The following NALF1 variants were observed in gnomAD, a reference collection of about 807,000 sequenced individuals.
NALF1 encodes NALCN channel auxiliary factor 1, also known as family with sequence similarity 155 member A.
NALF1 carries 3 observed loss-of-function variants against 48.4 expected under a neutral mutation model. That is an observed-to-expected ratio of 0.06 (90% confidence interval 0.03 to 0.16). The LOEUF is 0.16. Among genes scored for constraint, NALF1 ranks in the 10% least tolerant of loss-of-function variants. The pLI is 1.00. For synonymous variants in NALF1, 262 were observed against 245.7 expected (o/e 1.07, Z -0.62); for missense variants, 526 against 571.5 (o/e 0.92, Z 0.81).
intron 1 of NALF1, among the ~76,000 whole-genome samples, chr13:107,703,363 GTTTT>G (rs55884420): frequency 2.7e-5 from 3 of 112,038 alleles, no homozygotes; most frequent in African/African-American, 6.6e-5. Flanking sequence ...CATTTGCTTA[GTTTT>G]TTTTTTTTTT....
chr13:107,575,980 A>G (rs1249001818), intron 1 of NALF1, among the ~76,000 whole-genome samples: 3 of 116,270 alleles, frequency 2.6e-5, no homozygotes. Context: ...GTGTGTGCAT[A>G]TGTGTGTGTG....
intron 2 of NALF1, among the ~76,000 whole-genome samples, chr13:107,175,170 T>G (rs1253987215): frequency 6.6e-6 from 1 of 151,724 alleles, no homozygotes; most frequent in East Asian, 1.9e-4. Context: ...ATTACAGGCG[T>G]GAGCCATCGC....
rs148600812 is a variant in NALF1, at chr13:107,851,277, T to C, written c.915+14405A>G. On this transcript the variant is annotated intron_variant, in intron 1 of 2. Coordinates refer to ENST00000375915, the MANE Select transcript of NALF1 (RefSeq NM_001080396.3). ...AGTGACATATTTTGCTAACAGCTTCTAATTTGGAAAACAAGTGACATTAGC... is the reference window on the plus strand; with the variant it reads ...AGTGACATATTTTGCTAACAGCTTCCAATTTGGAAAACAAGTGACATTAGC... Among the ~76,000 whole-genome samples, 111 of 152,274 alleles carry C rather than the reference T, an allele frequency of 7.3e-4. 1 individual carries two copies. Among genetic ancestry groups the C allele is most frequent in the African/African-American group, 2.6e-3 (107 of 41,564 alleles).
At chr13:107,326,404 C>T (rs1341048595) in intron 1 of NALF1, among the ~76,000 whole-genome samples, 1 of 152,110 alleles carries the variant, frequency 6.6e-6, no homozygotes, top group African/African-American at 2.4e-5. Flanking sequence ...AAATTACCAA[C>T]TTTATTAACG....
At chr13:107,766,078 C>T (rs181619767) in intron 1 of NALF1, among the ~76,000 whole-genome samples, 1 of 152,306 alleles carries the variant, frequency 6.6e-6, no homozygotes, top group Admixed American at 6.5e-5. Context: ...AAGGCAACCA[C>T]TGTTTACATT....
intron 1 of NALF1, among the ~76,000 whole-genome samples, chr13:107,858,814 A>G (rs987802273): frequency 3.3e-5 from 5 of 152,224 alleles, no homozygotes; most frequent in African/African-American, 1.2e-4. Flanking sequence ...TGATTAAACA[A>G]ATTAGAATAG....
chr13:107,788,430 G>A (rs943736641), intron 1 of NALF1: 2 of 151,976 alleles, frequency 1.3e-5, no homozygotes, highest in Non-Finnish European at 2.9e-5. Context: ...GGATCTTGTT[G>A]AATAAATGCA....
At chr13:107,857,242 C>T (rs1880461546) in intron 1 of NALF1, among the ~76,000 whole-genome samples, 2 of 152,178 alleles carry the variant, frequency 1.3e-5, no homozygotes, top group African/African-American at 4.8e-5. Flanking sequence ...TCATCTCAGT[C>T]CTCAATCAAT....
intron 1 of NALF1, among the ~76,000 whole-genome samples, chr13:107,490,576 G>C (rs539921077): frequency 6.6e-6 from 1 of 152,266 alleles, no homozygotes; most frequent in African/African-American, 2.4e-5. Context: ...TGATGGGTGG[G>C]AAAAGGGAGA....
At chr13:107,590,904 C>T (rs1165084982) in intron 1 of NALF1, among the ~76,000 whole-genome samples, 1 of 151,898 alleles carries the variant, frequency 6.6e-6, no homozygotes, top group African/African-American at 2.4e-5. Context: ...CACCTGAAAT[C>T]CCCCTACATT....
intron 1 of NALF1, among the ~76,000 whole-genome samples, chr13:107,298,861 A>G (rs1032203788): frequency 2.0e-5 from 3 of 152,214 alleles, no homozygotes; most frequent in African/African-American, 7.2e-5. Context: ...TTACATAACT[A>G]CAATGCAATT....
At position 107,550,924 on chromosome 13, in the gene NALF1, G is replaced by A. The variant is rs151005828; in HGVS notation, c.915+314758C>T. ...CAGAAAAAAAAAAAACTTATTGTTT[G>A]TGCTGTTGTTTCCCCTTTAGTCTCT... On this transcript the variant is annotated intron_variant, in intron 1 of 2. Coordinates refer to ENST00000375915, the MANE Select transcript of NALF1 (RefSeq NM_001080396.3). Among the ~76,000 whole-genome samples, 5 of 150,916 alleles carry A rather than the reference G, an allele frequency of 3.3e-5. No individual in the cohort carries two copies. The East Asian group carries it at 9.7e-4, about 29-fold the overall frequency.
At chr13:107,806,805 A>T (rs559190829) in intron 1 of NALF1, among the ~76,000 whole-genome samples, 1 of 152,200 alleles carries the variant, frequency 6.6e-6, no homozygotes, top group Admixed American at 6.6e-5. Flanking sequence ...TTAAACCCCA[A>T]GAGTTTCAAT....
intron 1 of NALF1, among the ~76,000 whole-genome samples, chr13:107,650,705 CCT>C (rs1405166036): frequency 6.6e-6 from 1 of 151,964 alleles, no homozygotes; most frequent in Non-Finnish European, 1.5e-5. Flanking sequence ...CCAAATGCTA[CCT>C]GTACCCCAAT....
intron 1 of NALF1, among the ~76,000 whole-genome samples, chr13:107,364,521 GA>G (rs1883117857): frequency 1.3e-5 from 2 of 152,224 alleles, no homozygotes. Context: ...TCCAGACACG[GA>G]GGAGTGGGGT....
chr13:107,770,343 T>C (rs1371738133), intron 1 of NALF1, among the ~76,000 whole-genome samples: 2 of 152,236 alleles, frequency 1.3e-5, no homozygotes, highest in African/African-American at 2.4e-5. Context: ...CTTGAAAGTG[T>C]AGATGAGGGG....
At chr13:107,383,251 G>A (rs191283501) in intron 1 of NALF1, among the ~76,000 whole-genome samples, 119 of 152,170 alleles carry the variant, frequency 7.8e-4, no homozygotes, top group African/African-American at 2.8e-3. Flanking sequence ...ACAACTTTAG[G>A]AATAAAAAGA....
At chr13:107,506,904 G>C (rs892004719) in intron 1 of NALF1, among the ~76,000 whole-genome samples, 14 of 151,812 alleles carry the variant, frequency 9.2e-5, no homozygotes, top group African/African-American at 3.1e-4. Context: ...ATACATAGGA[G>C]TGGAATTGTT....
chr13:107,318,901 C>T (rs553241080), intron 1 of NALF1, among the ~76,000 whole-genome samples: 2 of 152,188 alleles, frequency 1.3e-5, no homozygotes, highest in East Asian at 3.9e-4. Flanking sequence ...ACAATGCATA[C>T]AGTATAATTG....
Sources: allele counts gnomAD v4.1 joint callset (sites outside exome capture counted in the v4.1 genomes callset), GRCh38; gene constraint gnomAD v4.1.1; transcripts MANE v1.5; gene names NCBI Gene and HGNC (gene_info 2026-07-23, HGNC 2026-07-21).